The following CADM2 variants were observed in gnomAD, a reference collection of about 807,000 sequenced individuals.
The protein encoded by CADM2 is cell adhesion molecule 2.
A neutral mutation model predicts 49.8 loss-of-function variants in CADM2; 12 were observed. That is an observed-to-expected ratio of 0.24 (90% CI 0.15 to 0.39). The LOEUF is 0.39. Ranked by LOEUF, CADM2 falls within the 10% of genes least tolerant of loss-of-function variation. The pLI, the probability that CADM2 is intolerant of heterozygous loss-of-function variation, is 1.00. For synonymous variants in CADM2, 214 were observed against 175.4 expected (o/e 1.22, Z -1.74); for missense variants, 378 against 492.3 (o/e 0.77, Z 2.20).
intron 1 of CADM2, among the ~76,000 whole-genome samples, chr3:84,963,393 A>C (rs567588228): frequency 1.3e-5 from 2 of 152,318 alleles, no homozygotes; most frequent in African/African-American, 4.8e-5. Context: ...CCTGGGTAGC[A>C]CAGGAAACAA....
intron 1 of CADM2, among the ~76,000 whole-genome samples, chr3:84,972,798 A>C (rs2031551619): frequency 6.6e-6 from 1 of 152,246 alleles, no homozygotes; most frequent in Non-Finnish European, 1.5e-5. Context: ...TGTATAAATG[A>C]ACAAGATGGA....
In CADM2 at chr3:85,912,432, C is replaced by T. The variant is rs1226376869; in HGVS notation, c.589C>T (p.Leu197=). The T allele has an allele frequency of 2.5e-6, 4 of 1,613,960 alleles. No homozygotes were observed. Among genetic ancestry groups the T allele is most frequent in the Admixed American group, 3.3e-5 (2 of 59,988 alleles). The change falls in exon 6 of 10, where the codon CTG becomes TTG. Residue 197 remains leucine, a synonymous_variant. Transcript: ENST00000383699. ...NRKTFTVSST[L]DFRVDRSDDG... is the part of the protein sequence containing the mutation. The stretch of plus-strand genomic sequence containing the variant: ...CAAGACATTCACTGTCAGCAGCACA[C>T]TGGACTTCCGAGTGGACCGGAGTGA...
intron 1 of CADM2, among the ~76,000 whole-genome samples, chr3:85,607,833 T>A (rs148303121): frequency 0.019 from 2,935 of 151,952 alleles, 90 homozygotes; most frequent in African/African-American, 0.067. Flanking sequence ...ATTTTTGTAT[T>A]TTTAGTAGAG....
At chr3:85,125,690 AC>A (rs2039010881) in intron 1 of CADM2, among the ~76,000 whole-genome samples, 1 of 152,196 alleles carries the variant, frequency 6.6e-6, no homozygotes, top group South Asian at 2.1e-4. Context: ...CAGTTGCCTT[AC>A]TTAGACAATT....
At chr3:85,108,487 G>A (rs1559666800) in intron 1 of CADM2, among the ~76,000 whole-genome samples, 1 of 152,094 alleles carries the variant, frequency 6.6e-6, no homozygotes, top group Non-Finnish European at 1.5e-5. Flanking sequence ...ACCTAGAACA[G>A]TCCAATTCAC....
intron 1 of CADM2, among the ~76,000 whole-genome samples, chr3:85,221,461 T>C (rs1191870431): frequency 6.6e-6 from 1 of 152,146 alleles, no homozygotes; most frequent in Non-Finnish European, 1.5e-5. Flanking sequence ...ACCATCTAAT[T>C]TCTTGTTTGA....
At chr3:85,905,233 A>T (rs1473646294) in intron 5 of CADM2, among the ~76,000 whole-genome samples, 5 of 152,178 alleles carry the variant, frequency 3.3e-5, no homozygotes, top group African/African-American at 1.2e-4. Context: ...AATAGCAAAG[A>T]TAGAATTGAA....
chr3:85,463,695 A>G (rs1245826753), intron 1 of CADM2, among the ~76,000 whole-genome samples: 1 of 152,144 alleles, frequency 6.6e-6, no homozygotes, highest in Non-Finnish European at 1.5e-5. Flanking sequence ...ATATGTAAAC[A>G]ATTTGCTTTA....
At chr3:85,511,170 T>C (rs772495836) in intron 1 of CADM2, among the ~76,000 whole-genome samples, 2 of 152,072 alleles carry the variant, frequency 1.3e-5, no homozygotes, top group Non-Finnish European at 2.9e-5. Flanking sequence ...ATATGCCCTA[T>C]AGGTTTTGGC....
chr3:85,240,010 G>T (rs1358323425), intron 1 of CADM2, among the ~76,000 whole-genome samples: 1 of 151,338 alleles, frequency 6.6e-6, no homozygotes, highest in African/African-American at 2.4e-5. Flanking sequence ...GAATGAATGA[G>T]ATTTCTGACA....
chr3:85,244,269 A>G (rs2042599371), intron 1 of CADM2, among the ~76,000 whole-genome samples: 1 of 152,152 alleles, frequency 6.6e-6, no homozygotes, highest in African/African-American at 2.4e-5. Flanking sequence ...AGGGCTGTGT[A>G]CTTGACTGAA....
intron 1 of CADM2, among the ~76,000 whole-genome samples, chr3:85,649,469 C>T (rs939317512): frequency 6.6e-6 from 1 of 152,020 alleles, no homozygotes; most frequent in Non-Finnish European, 1.5e-5. Context: ...GTTTTGAAAT[C>T]GATAAAGAAA....
intron 1 of CADM2, among the ~76,000 whole-genome samples, chr3:85,290,639 C>T (rs1431686983): frequency 1.3e-5 from 2 of 152,226 alleles, no homozygotes; most frequent in East Asian, 1.9e-4. Context: ...CCCTTGACCC[C>T]TGAGCTGCCT....
chr3:85,436,955 T>C (rs940930899), intron 1 of CADM2, among the ~76,000 whole-genome samples: 1 of 152,196 alleles, frequency 6.6e-6, no homozygotes, highest in African/African-American at 2.4e-5. Context: ...CATTATAGTA[T>C]CATACAGAAC....
At chr3:85,293,941 C>A (rs1382222939) in intron 1 of CADM2, among the ~76,000 whole-genome samples, 6 of 151,852 alleles carry the variant, frequency 4.0e-5, no homozygotes, top group African/African-American at 1.2e-4. Context: ...CTGGCCAGGG[C>A]AATTAGGCAG....
chr3:85,173,161 A>AT (rs2040679144), intron 1 of CADM2, among the ~76,000 whole-genome samples: 1 of 151,102 alleles, frequency 6.6e-6, no homozygotes, highest in Non-Finnish European at 1.5e-5. Flanking sequence ...TGCCTGGCTA[A>AT]TTTTTTGTCT....
chr3:85,384,717 A>C (rs2034119127), intron 1 of CADM2, among the ~76,000 whole-genome samples: 1 of 151,752 alleles, frequency 6.6e-6, no homozygotes, highest in Non-Finnish European at 1.5e-5. Flanking sequence ...GTGTGTATAT[A>C]TATATAACAA....
chr3:85,606,092 A>G (rs1290154473), intron 1 of CADM2, among the ~76,000 whole-genome samples: 1 of 152,240 alleles, frequency 6.6e-6, no homozygotes, highest in East Asian at 1.9e-4. Context: ...CTGAGCATGC[A>G]TGTCTGCATG....
chr3:86,047,912 C>T (rs183224086), intron 8 of CADM2, among the ~76,000 whole-genome samples: 3 of 151,998 alleles, frequency 2.0e-5, no homozygotes, highest in East Asian at 1.9e-4. Flanking sequence ...AGGAAGATAT[C>T]GCAAAGATCA....
Sources: gnomAD v4.1 joint callset for allele counts (sites outside exome capture counted in the v4.1 genomes callset) on GRCh38, gnomAD v4.1.1 for gene constraint, MANE v1.5 for transcripts, NCBI Gene and HGNC (gene_info 2026-07-23, HGNC 2026-07-21) for gene names.